The following PARD6G variants were observed in gnomAD, a reference collection of about 807,000 sequenced individuals.
PARD6G encodes the protein partitioning defective 6 homolog gamma.
PARD6G carries 7 observed loss-of-function variants against 10.7 expected under a neutral mutation model. That is an observed-to-expected ratio of 0.66 (90% CI 0.37 to 1.23). The LOEUF (loss-of-function observed/expected upper bound fraction) is 1.23. Among genes scored for constraint, PARD6G ranks in the 50% most tolerant of loss-of-function variants. PARD6G has a pLI of 0.02. For synonymous variants in PARD6G, 287 were observed against 269.4 expected, an observed-to-expected ratio of 1.07 and a Z score of -0.64; for missense variants, 548 against 571.8, an observed-to-expected ratio of 0.96 and a Z score of 0.42.
At chr18:80,242,909 A>G (rs1967505651) in intron 1 of PARD6G, among the ~76,000 whole-genome samples, 1 of 152,184 alleles carries the variant, frequency 6.6e-6, no homozygotes. Context: ...GAAAGAAGAA[A>G]GGGATGGGGA....
Position 80,175,849 on chromosome 18 carries a change from C to T in PARD6G, c.296-15243G>A, listed in dbSNP as rs925954714. On this transcript the variant is annotated intron_variant, in intron 2 of 2. Coordinates refer to ENST00000353265, the MANE Select transcript of PARD6G (RefSeq NM_032510.4). This position sits in a 1 kb window ranked among gnomAD's most constrained non-coding sequence, Gnocchi z 6.7. ...TTTGTGTTATGTTTTCTGAGAGACA[C>T]CCTCAGGCTTGTTTCTCTGAAATTC... is the stretch of plus-strand genomic sequence containing the variant. 1.8e-5 allele frequency: 3 copies of T among 167,172 alleles called. No homozygotes were observed. Among genetic ancestry groups the T allele is most frequent in the Non-Finnish European group, 2.9e-5 (2 of 68,140 alleles). The allele number at this position is 167,172 out of a possible 1,614,324, so 10.4% of individuals were successfully genotyped here.
rs2052680605 is a variant in PARD6G, at chr18:80,159,591, C to G, written c.*180G>C. The G allele has an allele frequency of 6.6e-6, 7 of 1,054,802 alleles. No homozygotes were observed. The Middle Eastern group carries it at 8.0e-4, about 121-fold the overall frequency. 65.3% of individuals were successfully genotyped at this position (1,054,802 alleles called of 1,614,324 possible). On this transcript the variant is annotated 3_prime_UTR_variant, in exon 3 of 3. Coordinates refer to ENST00000353265, the MANE Select transcript of PARD6G (RefSeq NM_032510.4). ...TCTCTACAGGCGTTCATTTTAAGTT[C>G]TGTGGCGAAATTCTATAAAAATAGG... is the stretch of plus-strand genomic sequence containing the variant.
At chr18:80,210,123 A>G (rs1023704879) in intron 1 of PARD6G, among the ~76,000 whole-genome samples, 1 of 152,228 alleles carries the variant, frequency 6.6e-6, no homozygotes, top group Non-Finnish European at 1.5e-5. Flanking sequence ...GCAAGGAGAC[A>G]AAAAGATGAT....
intron 2 of PARD6G, among the ~76,000 whole-genome samples, chr18:80,177,018 C>T (rs558426840): frequency 9.5e-5 from 10 of 105,432 alleles, no homozygotes; most frequent in South Asian, 3.4e-4. Context: ...CACGTGCGCG[C>T]GCGCGTGCAC....
chr18:80,242,340 G>A (rs1442514827), intron 1 of PARD6G, among the ~76,000 whole-genome samples: 1 of 152,262 alleles, frequency 6.6e-6, no homozygotes, highest in African/African-American at 2.4e-5. Flanking sequence ...GCCCACAGGA[G>A]GCAAGTGTCA....
chr18:80,239,256 GA>G (rs60783972), intron 1 of PARD6G, among the ~76,000 whole-genome samples: 41,957 of 151,932 alleles, frequency 0.28, 7,664 homozygotes, highest in Non-Finnish European at 0.42. Flanking sequence ...AGCTGTACCA[GA>G]AGTGCTCTGG....
chr18:80,190,845 C>T (rs1032189354), intron 2 of PARD6G, among the ~76,000 whole-genome samples: 9 of 152,150 alleles, frequency 5.9e-5, no homozygotes, highest in Non-Finnish European at 1.0e-4. Context: ...TCACCATCCA[C>T]GAGCAGGAAA....
intron 1 of PARD6G, among the ~76,000 whole-genome samples, chr18:80,239,826 T>C (rs1393104983): frequency 6.6e-6 from 1 of 152,108 alleles, no homozygotes; most frequent in Non-Finnish European, 1.5e-5. Flanking sequence ...AACTGGCAAA[T>C]CAATGTATCA....
intron 1 of PARD6G, among the ~76,000 whole-genome samples, chr18:80,213,222 A>G (rs1967126308): frequency 6.6e-6 from 1 of 152,220 alleles, no homozygotes; most frequent in Non-Finnish European, 1.5e-5. Flanking sequence ...TTAAAAACGA[A>G]AAAAAGAAAT....
rs1317973457 is a variant in PARD6G at position 80,246,906 on chromosome 18, G to T, written c.72+371C>A. On this transcript the variant is annotated intron_variant, in intron 1 of 2. Transcript: ENST00000353265. The surrounding 1 kb of genome is among the most constrained non-coding windows in gnomAD (Gnocchi z 6.7). ...AGAGCCCCCCCACGGCCCCGAATCC[G>T]AGCAGCCCCTGGCCCTCAACTCGCC... 6.6e-6 allele frequency among the ~76,000 whole-genome samples: 1 copy of T among 151,832 alleles called. No individual in the cohort carries two copies.
At chr18:80,172,368 G>A (rs964236981) in intron 2 of PARD6G, among the ~76,000 whole-genome samples, 2 of 151,316 alleles carry the variant, frequency 1.3e-5, no homozygotes, top group African/African-American at 4.9e-5. Context: ...CAACTGGGTT[G>A]GGTTGTATGT....
At chr18:80,203,760 C>T (rs569825455) in intron 1 of PARD6G, among the ~76,000 whole-genome samples, 38 of 152,164 alleles carry the variant, frequency 2.5e-4, no homozygotes, top group Middle Eastern at 3.4e-3. Flanking sequence ...TAAGACCTTA[C>T]GGGTCTTAAT....
intron 1 of PARD6G, among the ~76,000 whole-genome samples, chr18:80,227,477 A>G (rs781521629): frequency 1.3e-5 from 2 of 152,204 alleles, no homozygotes; most frequent in Non-Finnish European, 2.9e-5. Flanking sequence ...GATGTTTTCA[A>G]GCAACAAAAA....
chr18:80,178,434 A>G (rs1286296748), intron 2 of PARD6G: 1 of 152,528 alleles, frequency 6.6e-6, no homozygotes. Context: ...TCCTCTCAAG[A>G]AAGGGAGAAT....
chr18:80,198,401 T>G (rs926861034), intron 2 of PARD6G, among the ~76,000 whole-genome samples: 6 of 152,266 alleles, frequency 3.9e-5, no homozygotes, highest in Non-Finnish European at 7.3e-5. Flanking sequence ...ATTACTTTTC[T>G]TATTCATGCA....
Position 80,184,594 on chromosome 18 carries a change from G to T in PARD6G, c.295+18116C>A, listed in dbSNP as rs1230947721. On this transcript the variant is annotated intron_variant, in intron 2 of 2. Coordinates refer to ENST00000353265, the MANE Select transcript of PARD6G (RefSeq NM_032510.4). The surrounding 1 kb of genome is among the most constrained non-coding windows in gnomAD (Gnocchi z 4.5). ...CCGTGAAACCCGCAGCGGGAGCGAG[G>T]CGCGGAAACAGGCCATGACACGGAC... 6.6e-6 allele frequency: 1 copy of T among 152,310 alleles called. No homozygotes were observed. The highest frequency in any genetic ancestry group is 2.4e-5 in the African/African-American group (1 of 41,458). 9.4% of individuals were successfully genotyped at this position (152,310 alleles called of 1,614,324 possible). A position where few individuals can be genotyped will look rare whatever the true frequency, so the allele number is the denominator to read the frequency against.
In PARD6G at chr18:80,219,203, G is replaced by GGTTTGTTTGTTT. The variant is rs56321410; in HGVS notation, c.73-16283_73-16272dup. On this transcript the variant is annotated intron_variant, in intron 1 of 2. Transcript: ENST00000353265. ...GCTTGAATTTCTCCCCAGAAAATAG[G>GGTTTGTTTGTTT]GTTTGTTTGTTTGTTTGTTTGTTTG... 4.4e-4 allele frequency among the ~76,000 whole-genome samples: 63 copies of GGTTTGTTTGTTT among 143,122 alleles called. 1 individual carries two copies. Among genetic ancestry groups the GGTTTGTTTGTTT allele is most frequent in the South Asian group, 3.7e-3 (17 of 4,544 alleles). 93.9% of individuals were successfully genotyped at this position (143,122 alleles called of 152,430 possible).
At chr18:80,177,619 GAATA>G (rs2052822164) in intron 2 of PARD6G, among the ~76,000 whole-genome samples, 1 of 147,656 alleles carries the variant, frequency 6.8e-6, no homozygotes, top group African/African-American at 2.5e-5. Context: ...CAGACACACA[GAATA>G]AATCAAAGTC....
intron 1 of PARD6G, among the ~76,000 whole-genome samples, chr18:80,244,399 T>A (rs773207706): frequency 3.3e-5 from 5 of 152,020 alleles, no homozygotes; most frequent in Non-Finnish European, 7.4e-5. Context: ...AGCCACCAGG[T>A]CAAGATCAAG....
Sources: gnomAD v4.1 joint callset for allele counts (sites outside exome capture counted in the v4.1 genomes callset) on GRCh38, gnomAD v4.1.1 for gene constraint, Gnocchi (gnomAD v3.1) non-coding constraint, MANE v1.5 for transcripts, NCBI Gene and HGNC (gene_info 2026-07-23, HGNC 2026-07-21) for gene names.